Variants in PDZD11 observed in about 807,000 individuals in gnomAD.
PDZD11 encodes PDZ domain-containing protein 11.
PDZD11 carries 2 observed loss-of-function variants against 13.7 expected under a neutral mutation model. The observed-to-expected ratio is 0.15, with a 90% CI of 0.06 to 0.46. The LOEUF (loss-of-function observed/expected upper bound fraction) is 0.46. Among genes scored for constraint, PDZD11 ranks in the 20% least tolerant of loss-of-function variants. PDZD11 has a pLI of 0.98. For synonymous variants in PDZD11, 32 were observed against 37.5 expected (o/e 0.85, Z 0.54); for missense variants, 44 against 111.7 (o/e 0.39, Z 2.73).
chrX:70,287,399 G>A (rs2085725566), intron 5 of PDZD11, 63 bp from the exon 6 acceptor site: 1 of 1,001,079 alleles, frequency 1.0e-6, no homozygotes, highest in East Asian at 3.1e-5. Context: ...ATCATAATAG[G>A]GGGAAAGGGA....
At chrX:70,287,194 T>G in intron 6 of PDZD11, 78 bp from the exon 7 acceptor site, 2 of 1,140,304 alleles carry the variant, frequency 1.8e-6, no homozygotes, top group Non-Finnish European at 2.4e-6. Context: ...ATCCCCAACT[T>G]GTAGGGCCTC....
In PDZD11 at chrX:70,288,817, G is replaced by A. The variant is rs1252778868; in HGVS notation, c.88-304C>T. ...CCTCCCAGGTTCAAGCAATTCTCCC[G>A]CCTCAGCCTCCCTAGTAGCTGGGAT... On this transcript the variant is annotated intron_variant, in intron 2 of 6. Coordinates refer to ENST00000239666, the MANE Select transcript of PDZD11 (RefSeq NM_016484.5). Among the ~76,000 whole-genome samples, 3 of 107,885 alleles carry A rather than the reference G, an allele frequency of 2.8e-5. No individual in the cohort carries two copies. In the Admixed American group the frequency reaches 3.0e-4, roughly 11 times the overall value. 93.7% of individuals were successfully genotyped at this position (107,885 alleles called of 115,157 possible). A position where few individuals can be genotyped will look rare whatever the true frequency, so the allele number is the denominator to read the frequency against.
intron 6 of PDZD11, 64 bp from the exon 7 acceptor site, chrX:70,287,180 C>T: frequency 2.6e-6 from 3 of 1,150,623 alleles, no homozygotes; most frequent in Non-Finnish European, 3.6e-6. Flanking sequence ...GCTCCTGATT[C>T]CCTATCCCCA....
intron 3 of PDZD11, 74 bp from the exon 4 acceptor site, chrX:70,288,247 C>T (rs1273942423): frequency 1.1e-6 from 1 of 943,608 alleles, no homozygotes; most frequent in Non-Finnish European, 1.5e-6. Flanking sequence ...CATCATCGTA[C>T]AATAGCTCAG....
At chrX:70,289,512 A>G in intron 1 of PDZD11, 158 bp from the exon 2 acceptor site, 1 of 895,637 alleles carries the variant, frequency 1.1e-6, no homozygotes, top group Non-Finnish European at 1.5e-6. Flanking sequence ...GACAGAAGAA[A>G]ACTCTTAACT....
chrX:70,289,425 AGCTC>A (rs1215015497), intron 1 of PDZD11, 71 bp from the exon 2 acceptor site: 2 of 1,167,047 alleles, frequency 1.7e-6, no homozygotes, highest in South Asian at 3.8e-5. Flanking sequence ...TTCAGACAGC[AGCTC>A]CAACCCATTC....
In PDZD11 at chrX:70,288,137, G is replaced by A. The variant is rs1258539346; in HGVS notation, c.208C>T (p.Leu70=). Residue 70 remains leucine, a synonymous_variant, in exon 4 of 7, where the codon CTA becomes TTA. Coordinates refer to ENST00000239666, the MANE Select transcript of PDZD11 (RefSeq NM_016484.5). ...AATACCTTGGAGATGAAGATGCCTA[G>A]CTGGGAGGCCTTTCCTCCTCGGATG... is the stretch of plus-strand genomic sequence containing the variant. The part of the protein sequence containing the change: ...FNIRGGKASQ[L]GIFISKVIPD... 1.7e-6 allele frequency: 2 copies of A among 1,207,330 alleles called. No individual in the cohort carries two copies. The highest frequency in any genetic ancestry group is 2.2e-6 in the Non-Finnish European group (2 of 892,765).
In PDZD11 at chrX:70,289,910, T is replaced by G. The variant is rs759415298; in HGVS notation, c.-64A>C. On this transcript the variant is annotated 5_prime_UTR_variant, in exon 1 of 7. Transcript: ENST00000239666. ...GACTCCGCTCACTGACAATTCAGTCTGGGAACCGGAAGCGGATGCTCCGCA... is the reference window on the plus strand; with the variant it reads ...GACTCCGCTCACTGACAATTCAGTCGGGGAACCGGAAGCGGATGCTCCGCA... 1.7e-5 allele frequency: 2 copies of G among 116,685 alleles called. No individual in the cohort carries two copies. Among genetic ancestry groups the G allele is most frequent in the South Asian group, 3.5e-4 (1 of 2,898 alleles). The allele number at this position is 116,685 out of a possible 1,213,427, so 9.6% of individuals were successfully genotyped here. A position where few individuals can be genotyped will look rare whatever the true frequency, so the allele number is the denominator to read the frequency against.
rs1423414491 is a variant in PDZD11 at position 70,289,562 on chromosome X, ACTC to A, written c.-13-211_-13-209del. On this transcript the variant is annotated intron_variant, in intron 1 of 6. Transcript: ENST00000239666. The stretch of plus-strand genomic sequence containing the variant: ...CTGGATGCCAAGCAACCTGTCAGGT[ACTC>A]TAGAAAGAGGACCTCATTTTTCACA... 5.7e-6 allele frequency: 3 copies of A among 524,765 alleles called. No homozygotes were observed. In the African/African-American group the frequency reaches 7.2e-5, roughly 13 times the overall value. The allele number at this position is 524,765 out of a possible 1,213,427, so 43.2% of individuals were successfully genotyped here.
intron 1 of PDZD11, 182 bp downstream of exon 1, chrX:70,289,678 G>C: frequency 4.3e-6 from 1 of 232,730 alleles, no homozygotes; most frequent in East Asian, 1.1e-4. Flanking sequence ...AAGCCCAAGG[G>C]AGTGTTAACT....
At chrX:70,289,526 C>T (rs2085744753) in intron 1 of PDZD11, 172 bp from the exon 2 acceptor site, 1 of 803,206 alleles carries the variant, frequency 1.2e-6, no homozygotes, top group Non-Finnish European at 1.7e-6. Flanking sequence ...CTTAACTTAG[C>T]TAAACATCTT....
Position 70,287,813 on chromosome X carries a change from A to G in PDZD11, c.246T>C (p.Asp82=), listed in dbSNP as rs750860718. 1 of 1,200,434 alleles carries G rather than the reference A, an allele frequency of 8.3e-7. No individual in the cohort carries two copies. The highest frequency in any genetic ancestry group is 1.1e-6 in the Non-Finnish European group (1 of 885,274). ...CTTCCTGCAGTCCTGCTCTATGTGC[A>G]TCAGAGTCAGGAATCACCTGTTGGT... ...IFISKVIPDS[D]AHRAGLQEGD... is the part of the protein sequence containing the mutation. Residue 82 remains aspartate, a synonymous_variant, in exon 5 of 7, where the codon GAT becomes GAC. Coordinates refer to ENST00000239666, the MANE Select transcript of PDZD11 (RefSeq NM_016484.5).
Position 70,289,327 on chromosome X carries a change from A to G in PDZD11, c.15T>C (p.Ile5=), listed in dbSNP as rs185423434. The G allele has an allele frequency of 8.3e-7, 1 of 1,207,492 alleles. No homozygotes were observed. The highest frequency in any genetic ancestry group is 3.0e-5 in the East Asian group (1 of 33,733). ...AAACCACCGGGTAGTCATCATAAGG[A>G]ATCCGGCTGTCCATCTCGGGCAAGG... MDSR[I]PYDDYPVVFL... The change falls in exon 2 of 7, where the codon ATT becomes ATC. Residue 5 remains isoleucine, a synonymous_variant. Coordinates refer to ENST00000239666, the MANE Select transcript of PDZD11 (RefSeq NM_016484.5).
In PDZD11 at chrX:70,288,435, C is replaced by A. The variant is rs1569226103; in HGVS notation, c.166G>T (p.Ala56Ser). 1 of 1,207,252 alleles carries A rather than the reference C, an allele frequency of 8.3e-7. No individual in the cohort carries two copies. Among genetic ancestry groups the A allele is most frequent in the Non-Finnish European group, 1.1e-6 (1 of 891,443 alleles). The part of the protein sequence containing the change: ...RTITLKKPPG[A>S]QLGFNIRGGK... Reference sequence around the variant, plus strand: ...ATAAGGTTTCATAAGTTCACCTGAGCTCCAGGAGGCTTCTTCAGTGTGATG... The same window carrying A: ...ATAAGGTTTCATAAGTTCACCTGAGATCCAGGAGGCTTCTTCAGTGTGATG... The change falls in exon 3 of 7, where the codon GCT (alanine) becomes TCT (serine). Residue 56 changes from alanine to serine, a missense_variant. Ala to Ser is a moderately conservative substitution (Grantham distance 99). Transcript: ENST00000239666.
chrX:70,289,564 T>G, intron 1 of PDZD11: 2 of 507,104 alleles, frequency 3.9e-6, no homozygotes, highest in Non-Finnish European at 6.1e-6. Context: ...TGTCAGGTAC[T>G]CTAGAAAGAG....
rs766803542 is a variant in PDZD11 at position 70,288,191 on chromosome X, A to C, written c.172-18T>G. The C allele has an allele frequency of 2.5e-6, 3 of 1,190,255 alleles. No individual in the cohort carries two copies. Among genetic ancestry groups the C allele is most frequent in the Non-Finnish European group, 3.4e-6 (3 of 876,065 alleles). On this transcript the variant is annotated intron_variant, in intron 3 of 6. Transcript: ENST00000239666. ...AATCCCAACTGTAAGACAAGAGCAC[A>C]GAATGGGGGCTCAATGGAGACCACA...
At position 70,289,907 on chromosome X, in the gene PDZD11, G is replaced by C. The variant is rs1470947389; in HGVS notation, c.-61C>G. ...TCAGACTCCGCTCACTGACAATTCA[G>C]TCTGGGAACCGGAAGCGGATGCTCC... is the stretch of plus-strand genomic sequence containing the variant. On this transcript the variant is annotated 5_prime_UTR_variant, in exon 1 of 7. Coordinates refer to ENST00000239666, the MANE Select transcript of PDZD11 (RefSeq NM_016484.5). The C allele has an allele frequency of 8.6e-6, 1 of 116,782 alleles. No individual in the cohort carries two copies. Among genetic ancestry groups the C allele is most frequent in the African/African-American group, 3.2e-5 (1 of 31,031 alleles). 9.6% of individuals were successfully genotyped at this position (116,782 alleles called of 1,213,427 possible). A position where few individuals can be genotyped will look rare whatever the true frequency, so the allele number is the denominator to read the frequency against.
At position 70,286,909 on chromosome X, in the gene PDZD11, G is replaced by C; in HGVS notation, c.*173C>G. The C allele has an allele frequency of 4.4e-6, 2 of 457,476 alleles. No individual in the cohort carries two copies. The highest frequency in any genetic ancestry group is 7.7e-6 in the Non-Finnish European group (2 of 258,678). The allele number at this position is 457,476 out of a possible 1,213,427, so 37.7% of individuals were successfully genotyped here. On this transcript the variant is annotated 3_prime_UTR_variant, in exon 7 of 7. Transcript: ENST00000239666. ...CCTTTCAGGGAATGAAGCTCACCTA[G>C]AAAACTAGGGAACTAAAAGTGCAAT...
Position 70,287,835 on chromosome X carries a change from T to C in PDZD11, c.229-5A>G. 1 of 1,159,666 alleles carries C rather than the reference T, an allele frequency of 8.6e-7. No individual in the cohort carries two copies. Among genetic ancestry groups the C allele is most frequent in the African/African-American group, 1.8e-5 (1 of 56,846 alleles). On this transcript the variant is annotated splice_region_variant and splice_polypyrimidine_tract_variant and intron_variant, in intron 4 of 6. Transcript: ENST00000239666. The stretch of plus-strand genomic sequence containing the variant: ...TGCATCAGAGTCAGGAATCACCTGT[T>C]GGTAAAGAGAGAATACATGTGATTG...
Sources: gnomAD v4.1 joint callset for allele counts (sites outside exome capture counted in the v4.1 genomes callset) on GRCh38, gnomAD v4.1.1 for gene constraint, MANE v1.5 for transcripts, NCBI Gene and HGNC (gene_info 2026-07-23, HGNC 2026-07-21) for gene names.